Variants in INPP5A observed in about 807,000 individuals in gnomAD.
The protein encoded by INPP5A is 43 kDa inositol polyphosphate 5-phophatase.
A neutral mutation model predicts 65.2 loss-of-function variants in INPP5A; 14 were observed. The observed-to-expected ratio is 0.21, with a 90% CI of 0.14 to 0.34. The LOEUF (loss-of-function observed/expected upper bound fraction) is 0.34, where lower values mean the gene tolerates loss of function less well. INPP5A is among the 10% of genes least tolerant of loss of function. The pLI, the probability that INPP5A is intolerant of heterozygous loss-of-function variation, is 1.00. For synonymous variants in INPP5A, 207 were observed against 208.3 expected, an observed-to-expected ratio of 0.99 and a Z score of 0.05; for missense variants, 431 against 545.6, an observed-to-expected ratio of 0.79 and a Z score of 2.09.
chr10:132,554,560 G>A (rs2071099894), intron 1 of INPP5A, among the ~76,000 whole-genome samples: 1 of 151,832 alleles, frequency 6.6e-6, no homozygotes, highest in African/African-American at 2.4e-5. Flanking sequence ...GGTGTTGTGG[G>A]TTGTGGTTGG....
Position 132,753,235 on chromosome 10 carries a change from G to A in INPP5A, c.903+3390G>A, listed in dbSNP as rs1007543713. Among the ~76,000 whole-genome samples the A allele has an allele frequency of 1.3e-5, 2 of 152,162 alleles. No individual in the cohort carries two copies. The highest frequency in any genetic ancestry group is 2.4e-5 in the African/African-American group (1 of 41,448). ...GAAATTGGCAGTTGTCCCCATCGAC[G>A]GAGGGTCAAGGTGGTCGGACGGGGA... On this transcript the variant is annotated intron_variant, in intron 11 of 15. Transcript: ENST00000368594. This position sits in a 1 kb window ranked among gnomAD's most constrained non-coding sequence, Gnocchi z 5.3.
intron 4 of INPP5A, among the ~76,000 whole-genome samples, chr10:132,652,626 C>A (rs1016163156): frequency 1.3e-5 from 2 of 152,216 alleles, no homozygotes; most frequent in African/African-American, 4.8e-5. Flanking sequence ...CTCATCTGTG[C>A]CAGTCGCCAG....
Position 132,777,798 on chromosome 10 carries a change from C to G in INPP5A, c.1089+16C>G. 3 of 1,611,464 alleles carry G rather than the reference C, an allele frequency of 1.9e-6. No individual in the cohort carries two copies. The highest frequency in any genetic ancestry group is 2.5e-6 in the Non-Finnish European group (3 of 1,179,264). On this transcript the variant is annotated intron_variant, in intron 13 of 15. Transcript: ENST00000368594. ...GGTGCTGCGGGTGAGTGTGTGCTGC[C>G]CCAGCCCTGGGCACAGAGGGATGTG...
intron 9 of INPP5A, among the ~76,000 whole-genome samples, chr10:132,733,097 A>T (rs1017909581): frequency 6.6e-6 from 1 of 152,184 alleles, no homozygotes; most frequent in Non-Finnish European, 1.5e-5. Context: ...GCCCTGGCTC[A>T]TGGCCGCATC....
Position 132,538,633 on chromosome 10 carries a change from A to G in INPP5A, c.75+462A>G, listed in dbSNP as rs541651906. Among the ~76,000 whole-genome samples, 9 of 151,992 alleles carry G rather than the reference A, an allele frequency of 5.9e-5. No homozygotes were observed. The highest frequency in any genetic ancestry group is 1.9e-4 in the East Asian group (1 of 5,166). On this transcript the variant is annotated intron_variant, in intron 1 of 15. Coordinates refer to ENST00000368594, the MANE Select transcript of INPP5A (RefSeq NM_005539.5). This position sits in a 1 kb window ranked among gnomAD's most constrained non-coding sequence, Gnocchi z 4.1. ...CCTGGCCCTGGAATGCCCATCCCCA[A>G]CCCTGGCCCTGAACCCCAGGTCCAT...
rs907556461 is a variant in INPP5A at position 132,678,543 on chromosome 10, G to C, written c.307-11849G>C. On this transcript the variant is annotated intron_variant, in intron 4 of 15. Coordinates refer to ENST00000368594, the MANE Select transcript of INPP5A (RefSeq NM_005539.5). This position sits in a 1 kb window ranked among gnomAD's most constrained non-coding sequence, Gnocchi z 4.1. Reference sequence around the variant, plus strand: ...TTGTGCTTTGAGACCTGAGCTGAGGGTTCTGTCCAGCGGTCCTGAGCTGCT... The same window carrying C: ...TTGTGCTTTGAGACCTGAGCTGAGGCTTCTGTCCAGCGGTCCTGAGCTGCT... Among the ~76,000 whole-genome samples, 1 of 152,272 alleles carries C rather than the reference G, an allele frequency of 6.6e-6. No homozygotes were observed. Among genetic ancestry groups the C allele is most frequent in the South Asian group, 2.1e-4 (1 of 4,816 alleles).
At chr10:132,749,247 C>T (rs575908167) in intron 9 of INPP5A, among the ~76,000 whole-genome samples, 1 of 151,794 alleles carries the variant, frequency 6.6e-6, no homozygotes, top group African/African-American at 2.4e-5. Flanking sequence ...GGCTTTTGCC[C>T]CAAAGCAGCT....
chr10:132,606,298 G>A (rs2071848136), intron 1 of INPP5A, among the ~76,000 whole-genome samples: 1 of 152,030 alleles, frequency 6.6e-6, no homozygotes, highest in Admixed American at 6.5e-5. Flanking sequence ...TGGCGGGACA[G>A]CGGCGTGGGT....
At chr10:132,646,405 T>G (rs73383160) in intron 3 of INPP5A, among the ~76,000 whole-genome samples, 3,914 of 152,232 alleles carry the variant, frequency 0.026, 66 homozygotes, top group African/African-American at 0.042. Context: ...CCCACGTGTA[T>G]TCCCACTGTA....
chr10:132,688,701 G>T (rs767833371), intron 4 of INPP5A, among the ~76,000 whole-genome samples: 1 of 151,532 alleles, frequency 6.6e-6, no homozygotes, highest in Non-Finnish European at 1.5e-5. Context: ...GCATGTGTGT[G>T]CAAGTGTGAA....
Position 132,538,081 on chromosome 10 carries a change from G to C in INPP5A, c.-16G>C, listed in dbSNP as rs2070863037. On this transcript the variant is annotated 5_prime_UTR_variant, in exon 1 of 16. Coordinates refer to ENST00000368594, the MANE Select transcript of INPP5A (RefSeq NM_005539.5). This position sits in a 1 kb window ranked among gnomAD's most constrained non-coding sequence, Gnocchi z 4.1. ...GCCGCCGCCGCCCAGCCCAGCGCCC[G>C]CGCCGCCCGGGCACCATGGCGGGGA... 2 of 1,152,852 alleles carry C rather than the reference G, an allele frequency of 1.7e-6. No individual in the cohort carries two copies. Among genetic ancestry groups the C allele is most frequent in the South Asian group, 8.5e-5 (2 of 23,652 alleles). 71.4% of individuals were successfully genotyped at this position (1,152,852 alleles called of 1,614,324 possible).
chr10:132,595,871 G>A (rs901464060), intron 1 of INPP5A, among the ~76,000 whole-genome samples: 1 of 151,116 alleles, frequency 6.6e-6, no homozygotes, highest in African/African-American at 2.4e-5. Flanking sequence ...CAGAAATAGA[G>A]TTCCACATTT....
chr10:132,749,826 G>T lies in INPP5A; in HGVS notation c.884G>T (p.Arg295Leu). The change falls in exon 11 of 16, where the codon CGA becomes CTA. Residue 295 changes from arginine to leucine, a missense_variant. By Grantham distance (102) the Arg-to-Leu change is moderately radical. Transcript: ENST00000368594. ...GACTACTTCAACCAGGAGGTTTTCC[G>T]AGACAACAACGGCACCGCGGTGAGT... is the stretch of plus-strand genomic sequence containing the variant. ...LFDYFNQEVF[R>L]DNNGTALLEF... The T allele has an allele frequency of 6.2e-7, 1 of 1,613,218 alleles. No individual in the cohort carries two copies. The highest frequency in any genetic ancestry group is 8.5e-7 in the Non-Finnish European group (1 of 1,179,980).
chr10:132,756,231 A>G (rs1846608605), intron 11 of INPP5A, among the ~76,000 whole-genome samples: 2 of 152,024 alleles, frequency 1.3e-5, no homozygotes, highest in Non-Finnish European at 2.9e-5. Context: ...TGTGTGGTGT[A>G]TGTATGCGTG....
intron 1 of INPP5A, among the ~76,000 whole-genome samples, chr10:132,598,931 T>C (rs1015183336): frequency 6.6e-6 from 1 of 152,162 alleles, no homozygotes; most frequent in African/African-American, 2.4e-5. Context: ...TTATTCAGTA[T>C]CATGGGAATA....
intron 2 of INPP5A, among the ~76,000 whole-genome samples, chr10:132,626,298 C>A (rs2072183143): frequency 6.6e-6 from 1 of 152,240 alleles, no homozygotes. Flanking sequence ...AACAAAGCTG[C>A]CGTGCATGTG....
rs2072209511 is a variant in INPP5A, at chr10:132,627,867, A to G, written c.118-18001A>G. Among the ~76,000 whole-genome samples, 2 of 152,034 alleles carry G rather than the reference A, an allele frequency of 1.3e-5. No homozygotes were observed. The highest frequency in any genetic ancestry group is 4.8e-5 in the African/African-American group (2 of 41,384). On this transcript the variant is annotated intron_variant, in intron 2 of 15. Transcript: ENST00000368594. This position sits in a 1 kb window ranked among gnomAD's most constrained non-coding sequence, Gnocchi z 6.6. ...AACCGGGAGGGGTGAGGCCGTGGAG[A>G]GAGCCGTGTGGGGGAGGTGCCCAGG... is the stretch of plus-strand genomic sequence containing the variant.
Position 132,764,867 on chromosome 10 carries a change from T to C in INPP5A, c.904-906T>C, listed in dbSNP as rs113944239. ...AAACACGGCCGGGTCAGTCCTGCTG[T>C]GGTGGGAGGGTGTGCGTGGTGACAC... On this transcript the variant is annotated intron_variant, in intron 11 of 15. Coordinates refer to ENST00000368594, the MANE Select transcript of INPP5A (RefSeq NM_005539.5). 9.8e-3 allele frequency among the ~76,000 whole-genome samples: 470 copies of C among 47,920 alleles called. 1 individual carries two copies. The highest frequency in any genetic ancestry group is 0.033 in the Middle Eastern group (2 of 60). The allele number at this position is 47,920 out of a possible 152,430, so 31.4% of individuals were successfully genotyped here. A position where few individuals can be genotyped will look rare whatever the true frequency, so the allele number is the denominator to read the frequency against.
rs1021438117 is a variant in INPP5A at position 132,706,008 on chromosome 10, C to T, written c.475-2305C>T. ...AAAGAGATAAGTGAAAGATAGGGTT[C>T]ATTAAAAATGTTATTCAACTAAAAC... On this transcript the variant is annotated intron_variant, in intron 6 of 15. Coordinates refer to ENST00000368594, the MANE Select transcript of INPP5A (RefSeq NM_005539.5). This position sits in a 1 kb window ranked among gnomAD's most constrained non-coding sequence, Gnocchi z 4.7. 6.6e-6 allele frequency among the ~76,000 whole-genome samples: 1 copy of T among 152,150 alleles called. No individual in the cohort carries two copies. The highest frequency in any genetic ancestry group is 1.5e-5 in the Non-Finnish European group (1 of 68,022).
Sources: gnomAD v4.1 joint callset for allele counts (sites outside exome capture counted in the v4.1 genomes callset) on GRCh38, gnomAD v4.1.1 for gene constraint, Gnocchi (gnomAD v3.1) non-coding constraint, MANE v1.5 for transcripts, NCBI Gene and HGNC (gene_info 2026-07-23, HGNC 2026-07-21) for gene names.